Variants in OPN5 observed in about 807,000 individuals in gnomAD.
OPN5 encodes opsin 5.
A neutral mutation model predicts 41.7 loss-of-function variants in OPN5; 18 were observed. The observed-to-expected ratio is 0.43, with a 90% CI of 0.30 to 0.64. The LOEUF is 0.64. Among genes scored for constraint, OPN5 ranks in the 30% least tolerant of loss-of-function variants. The probability of loss-of-function intolerance (pLI) is 0.13; values close to 1 mark genes in which losing one functional copy is unlikely to be tolerated. For synonymous variants in OPN5, 178 were observed against 164.3 expected (o/e 1.08, Z -0.64); for missense variants, 318 against 434.5 (o/e 0.73, Z 2.38).
intron 6 of OPN5, among the ~76,000 whole-genome samples, chr6:47,817,051 T>C (rs1762449472): frequency 6.6e-6 from 1 of 152,098 alleles, no homozygotes; most frequent in African/African-American, 2.4e-5. Flanking sequence ...AACTGGTAGC[T>C]CTGCCACAGG....
intron 4 of OPN5, among the ~76,000 whole-genome samples, chr6:47,803,915 C>T (rs1389358478): frequency 6.6e-6 from 1 of 152,196 alleles, no homozygotes; most frequent in Non-Finnish European, 1.5e-5. Flanking sequence ...CACACTGCCT[C>T]AGCACATTGA....
At chr6:47,791,936 C>T (rs745363441) in exon 3 of OPN5, 3 of 1,613,816 alleles carry the variant, frequency 1.9e-6, no homozygotes, top group Non-Finnish European at 2.5e-6. Flanking sequence ...TGCTGTCAGC[C>T]TGGATCGATA....
intron 5 of OPN5, among the ~76,000 whole-genome samples, chr6:47,809,032 C>T (rs1001720882): frequency 2.2e-4 from 33 of 152,244 alleles, no homozygotes; most frequent in African/African-American, 7.9e-4. Context: ...CAAAATGTAT[C>T]CTCCTTGGTT....
intron 3 of OPN5, among the ~76,000 whole-genome samples, chr6:47,792,180 A>G (rs1192305786): frequency 6.6e-6 from 1 of 152,248 alleles, no homozygotes; most frequent in African/African-American, 2.4e-5. Flanking sequence ...CATATTTTAT[A>G]GTAATGTCTG....
chr6:47,824,304 G>T, exon 7 of OPN5: 1 of 395,540 alleles, frequency 2.5e-6, no homozygotes. Flanking sequence ...TCTGAACTGG[G>T]GCTTGTGAAA....
chr6:47,788,927 G>A (rs1773281059), intron 2 of OPN5, among the ~76,000 whole-genome samples: 1 of 151,824 alleles, frequency 6.6e-6, no homozygotes, highest in Non-Finnish European at 1.5e-5. Flanking sequence ...TCAAAGCAAA[G>A]CAAAACAATC....
At chr6:47,792,947 G>A (rs867888745) in intron 3 of OPN5, among the ~76,000 whole-genome samples, 1 of 149,086 alleles carries the variant, frequency 6.7e-6, no homozygotes, top group Non-Finnish European at 1.5e-5. Flanking sequence ...GGAGGCGGGG[G>A]CTTGTGAGCC....
At chr6:47,799,763 C>T (rs1311570508) in intron 4 of OPN5, among the ~76,000 whole-genome samples, 2 of 152,138 alleles carry the variant, frequency 1.3e-5, no homozygotes, top group Admixed American at 6.5e-5. Flanking sequence ...AGGTTCAGGA[C>T]ACCTTCTCAG....
At chr6:47,782,417 C>T (rs1279595743) in intron 1 of OPN5, among the ~76,000 whole-genome samples, 1 of 152,116 alleles carries the variant, frequency 6.6e-6, no homozygotes, top group Admixed American at 6.5e-5. Flanking sequence ...CATTGATAAT[C>T]CAAGAACTCT....
At chr6:47,808,373 A>C in exon 5 of OPN5, 2 of 1,614,088 alleles carry the variant, frequency 1.2e-6, no homozygotes, top group Non-Finnish European at 1.7e-6. Flanking sequence ...AGCAACCAAG[A>C]AGAAGTCTCT....
At chr6:47,818,783 A>G (rs1762507403) in intron 6 of OPN5, among the ~76,000 whole-genome samples, 2 of 152,166 alleles carry the variant, frequency 1.3e-5, no homozygotes, top group African/African-American at 4.8e-5. Flanking sequence ...GGAGCTGGGA[A>G]ATTATGTAGA....
At chr6:47,802,572 G>A (rs1351692198) in intron 4 of OPN5, among the ~76,000 whole-genome samples, 1 of 152,096 alleles carries the variant, frequency 6.6e-6, no homozygotes, top group Non-Finnish European at 1.5e-5. Flanking sequence ...GACTAGATTT[G>A]TTCAATTGTT....
chr6:47,806,588 C>T (rs1237459067), intron 4 of OPN5, among the ~76,000 whole-genome samples: 1 of 152,150 alleles, frequency 6.6e-6, no homozygotes, highest in Admixed American at 6.5e-5. Flanking sequence ...CCATTTTACT[C>T]TACAGGCTAA....
chr6:47,783,100 A>G (rs1277807332), intron 1 of OPN5, among the ~76,000 whole-genome samples: 1 of 152,054 alleles, frequency 6.6e-6, no homozygotes, highest in Non-Finnish European at 1.5e-5. Context: ...TAATGTGGCT[A>G]CCAGAAAATT....
chr6:47,793,505 C>T (rs1222151351), intron 3 of OPN5, among the ~76,000 whole-genome samples: 2 of 152,178 alleles, frequency 1.3e-5, no homozygotes, highest in Non-Finnish European at 2.9e-5. Context: ...ACGTGGTAAA[C>T]TGTTTTAAGG....
chr6:47,823,967 T>C lies in OPN5; in HGVS notation c.1057-16T>C. Reference sequence around the variant, plus strand: ...TGTGTGCCTCACCCTAAAACTCAATTTTTTCTTCTCTACAGTGGGAATAAC... The same window carrying C: ...TGTGTGCCTCACCCTAAAACTCAATCTTTTCTTCTCTACAGTGGGAATAAC... On this transcript the variant is annotated splice_polypyrimidine_tract_variant and intron_variant, in intron 6 of 6. Transcript: ENST00000371211. The C allele has an allele frequency of 6.5e-7, 1 of 1,549,388 alleles. No homozygotes were observed. Among genetic ancestry groups the C allele is most frequent in the Non-Finnish European group, 8.7e-7 (1 of 1,144,896 alleles).
Position 47,808,403 on chromosome 6 carries a change from T to A in OPN5, c.998+8T>A, listed in dbSNP as rs762720950. ...GTCTCTGGAAGGCTTCAGGTAAAACTTCAGAAGCTGGAAATGAATTACACT... is the reference window on the plus strand; with the variant it reads ...GTCTCTGGAAGGCTTCAGGTAAAACATCAGAAGCTGGAAATGAATTACACT... On this transcript the variant is annotated splice_region_variant and intron_variant, in intron 5 of 6. Coordinates refer to ENST00000371211, the Ensembl canonical transcript of OPN5. The A allele has an allele frequency of 6.2e-7, 1 of 1,613,834 alleles. No homozygotes were observed. Among genetic ancestry groups the A allele is most frequent in the Admixed American group, 1.7e-5 (1 of 59,958 alleles).
At chr6:47,822,837 C>T (rs537032471) in intron 6 of OPN5, among the ~76,000 whole-genome samples, 2 of 152,340 alleles carry the variant, frequency 1.3e-5, no homozygotes, top group South Asian at 4.1e-4. Flanking sequence ...TATCCTCCCA[C>T]ACTTCTGTTG....
chr6:47,805,574 C>A (rs1773927771), intron 4 of OPN5, among the ~76,000 whole-genome samples: 1 of 151,988 alleles, frequency 6.6e-6, no homozygotes, highest in Admixed American at 6.6e-5. Flanking sequence ...GTTCCTAGGG[C>A]CAACACACCC....
Sources: gnomAD v4.1 joint callset for allele counts (sites outside exome capture counted in the v4.1 genomes callset) on GRCh38, gnomAD v4.1.1 for gene constraint, MANE v1.5 for transcripts, NCBI Gene and HGNC (gene_info 2026-07-23, HGNC 2026-07-21) for gene names.